Variants in STRIP2 observed in about 807,000 individuals in gnomAD.
The protein encoded by STRIP2 is striatin-interacting protein 2.
STRIP2 carries 84 observed loss-of-function variants against 107.1 expected under a neutral mutation model. The ratio of observed to expected loss-of-function variants is 0.78; its 90% CI spans 0.66 to 0.94. STRIP2 has a LOEUF of 0.94. STRIP2 is among the 40% of genes least tolerant of loss of function. The pLI, the probability that STRIP2 is intolerant of heterozygous loss-of-function variation, is 0.00. For synonymous variants in STRIP2, 394 were observed against 400.4 expected, an observed-to-expected ratio of 0.98 and a Z score of 0.19; for missense variants, 888 against 1,034.2, an observed-to-expected ratio of 0.86 and a Z score of 1.94.
intron 1 of STRIP2, among the ~76,000 whole-genome samples, chr7:129,435,756 ACT>A (rs1296040638): frequency 2.0e-5 from 3 of 152,108 alleles, no homozygotes; most frequent in African/African-American, 7.2e-5. Flanking sequence ...GTACATAGTA[ACT>A]CTTAGTATAT....
intron 18 of STRIP2, among the ~76,000 whole-genome samples, chr7:129,479,012 T>A (rs1228525887): frequency 2.6e-5 from 4 of 152,082 alleles, no homozygotes; most frequent in African/African-American, 9.7e-5. Flanking sequence ...CGGTGGCTCA[T>A]GCCTATAATC....
intron 18 of STRIP2, among the ~76,000 whole-genome samples, chr7:129,476,775 C>T (rs942453015): frequency 2.6e-5 from 4 of 152,110 alleles, no homozygotes; most frequent in Non-Finnish European, 4.4e-5. Context: ...GACGGGGTGG[C>T]GGCCGGGCAG....
intron 18 of STRIP2, among the ~76,000 whole-genome samples, chr7:129,473,611 C>G (rs1021450249): frequency 1.3e-5 from 2 of 152,230 alleles, no homozygotes; most frequent in Admixed American, 6.5e-5. Context: ...CTCAAGCAAT[C>G]TGCCCTCCTT....
intron 4 of STRIP2, among the ~76,000 whole-genome samples, chr7:129,452,399 G>A (rs113123711): frequency 6.6e-6 from 1 of 152,004 alleles, no homozygotes; most frequent in Non-Finnish European, 1.5e-5. Context: ...AAAAAAAATT[G>A]TAAAATAAAA....
chr7:129,463,001 C>T lies in STRIP2; in HGVS notation c.1512C>T (p.Ile504=), dbSNP rs752247824. Residue 504 remains isoleucine (I), a synonymous_variant, in exon 14 of 21, where the codon ATC becomes ATT. Coordinates refer to ENST00000249344, the MANE Select transcript of STRIP2 (RefSeq NM_020704.3). ...TGGTACCAGAGACGCCATGTGAAATCCTCTACCAGGGAATGCTGTACAGCC... is the reference window on the plus strand; with the variant it reads ...TGGTACCAGAGACGCCATGTGAAATTCTCTACCAGGGAATGCTGTACAGCC... ...EEVVPETPCE[I]LYQGMLYSLP... 8.7e-6 allele frequency: 14 copies of T among 1,613,946 alleles called. No homozygotes were observed. In the Admixed American group the frequency reaches 2.0e-4, roughly 23 times the overall value.
intron 18 of STRIP2, among the ~76,000 whole-genome samples, chr7:129,475,197 G>A (rs1010293576): frequency 6.6e-6 from 1 of 151,898 alleles, no homozygotes; most frequent in Admixed American, 6.6e-5. Context: ...GTGGATGTGG[G>A]CTCAGTATGT....
At chr7:129,452,363 A>G (rs1798217985) in intron 4 of STRIP2, among the ~76,000 whole-genome samples, 1 of 152,172 alleles carries the variant, frequency 6.6e-6, no homozygotes, top group Non-Finnish European at 1.5e-5. Context: ...AAGGCGTGTT[A>G]ACAGAACCAA....
chr7:129,460,809 G>A (rs1215435772), intron 13 of STRIP2, among the ~76,000 whole-genome samples: 3 of 152,198 alleles, frequency 2.0e-5, no homozygotes, highest in Non-Finnish European at 4.4e-5. Context: ...GTGAAGGAAG[G>A]CTGTTGTGGC....
At chr7:129,475,889 AT>A (rs1346968782) in intron 18 of STRIP2, among the ~76,000 whole-genome samples, 1 of 151,866 alleles carries the variant, frequency 6.6e-6, no homozygotes, top group Non-Finnish European at 1.5e-5. Context: ...GGGCAAGGTC[AT>A]AGATCAACAG....
At chr7:129,444,145 A>G (rs374130926) in intron 3 of STRIP2, 47 bp downstream of exon 3, 11 of 1,413,022 alleles carry the variant, frequency 7.8e-6, no homozygotes, top group Non-Finnish European at 1.0e-5. Flanking sequence ...TCCTTTTATG[A>G]TATACCAGCC....
At chr7:129,440,119 T>C in intron 2 of STRIP2, 28 bp downstream of exon 2, 2 of 1,596,226 alleles carry the variant, frequency 1.3e-6, no homozygotes, top group South Asian at 1.1e-5. Context: ...CAGTAGCTAG[T>C]GGAAGAATGG....
Position 129,456,622 on chromosome 7 carries a change from G to A in STRIP2, c.1018G>A (p.Gly340Ser). Reference protein sequence around the residue: ...QLAPPPSKLRGRRGSRRQLLT... With the variant: ...QLAPPPSKLRSRRGSRRQLLT... ...GGCACCCCCACCCTCCAAGCTGCGA[G>A]GCCGCCGTGGCTCTCGAAGGGTATG... The change falls in exon 9 of 21, where the codon GGC becomes AGC. Residue 340 changes from glycine (G) to serine (S), a missense_variant. By Grantham distance (56) the Gly-to-Ser change is moderately conservative. Transcript: ENST00000249344. 6.2e-7 allele frequency: 1 copy of A among 1,613,996 alleles called. No individual in the cohort carries two copies. The highest frequency in any genetic ancestry group is 1.1e-5 in the South Asian group (1 of 91,072).
chr7:129,437,528 G>T (rs586978), intron 1 of STRIP2, among the ~76,000 whole-genome samples: 126,617 of 151,526 alleles, frequency 0.84, 53,759 homozygotes, highest in East Asian at 0.96. Context: ...GTTCCAGTTT[G>T]TGTGTGTGTG....
chr7:129,486,494 T>G lies in STRIP2; in HGVS notation c.*665T>G, dbSNP rs777203356. On this transcript the variant is annotated 3_prime_UTR_variant, in exon 21 of 21. Coordinates refer to ENST00000249344, the MANE Select transcript of STRIP2 (RefSeq NM_020704.3). ...AAATTATTTCCTTGTGTACTCTGTATAGGGCATGGAATGCTCTGCCATTTT... is the reference window on the plus strand; with the variant it reads ...AAATTATTTCCTTGTGTACTCTGTAGAGGGCATGGAATGCTCTGCCATTTT... The G allele has an allele frequency of 6.6e-6, 1 of 152,558 alleles. No individual in the cohort carries two copies. Among genetic ancestry groups the G allele is most frequent in the African/African-American group, 2.4e-5 (1 of 41,462 alleles). 9.5% of individuals were successfully genotyped at this position (152,558 alleles called of 1,614,324 possible).
chr7:129,465,542 A>C (rs950231547), intron 16 of STRIP2, among the ~76,000 whole-genome samples: 1 of 152,152 alleles, frequency 6.6e-6, no homozygotes, highest in Non-Finnish European at 1.5e-5. Context: ...ATGCTAACAC[A>C]CAATTACTGG....
Position 129,451,726 on chromosome 7 carries a change from G to A in STRIP2, c.388G>A (p.Ala130Thr). 6.2e-7 allele frequency: 1 copy of A among 1,613,800 alleles called. No homozygotes were observed. The highest frequency in any genetic ancestry group is 8.5e-7 in the Non-Finnish European group (1 of 1,180,032). Residue 130 changes from alanine (A) to threonine (T), a missense_variant, in exon 4 of 21, where the codon GCT (alanine) becomes ACT (threonine). Transcript: ENST00000249344. ...SRERRLKVAR[A>T]VLYLAQGTFG... ...GGAACGGCGGCTGAAGGTGGCCCGG[G>A]CTGTTCTCTACCTGGCCCAAGGTGA...
chr7:129,459,418 T>C, intron 11 of STRIP2, 99 bp from the exon 12 acceptor site: 1 of 1,035,276 alleles, frequency 9.7e-7, no homozygotes, highest in Non-Finnish European at 1.5e-6. Flanking sequence ...GTAGATGTTG[T>C]TGAAAGTAGC....
chr7:129,447,997 C>T (rs990021293), intron 3 of STRIP2, among the ~76,000 whole-genome samples: 1 of 152,202 alleles, frequency 6.6e-6, no homozygotes, highest in Admixed American at 6.5e-5. Context: ...TTTTGACTTA[C>T]TATTTTTCTA....
At chr7:129,457,966 TA>T in intron 9 of STRIP2, 1 of 505,974 alleles carries the variant, frequency 2.0e-6, no homozygotes, top group Non-Finnish European at 3.6e-6. Flanking sequence ...GAAAGCTAAG[TA>T]ATTGTGACTT....
Sources: allele counts gnomAD v4.1 joint callset (sites outside exome capture counted in the v4.1 genomes callset), GRCh38; gene constraint gnomAD v4.1.1; transcripts MANE v1.5; gene names NCBI Gene and HGNC (gene_info 2026-07-23, HGNC 2026-07-21).